SGCZ: variants seen among roughly 807,000 people sequenced by gnomAD.
SGCZ encodes the protein sarcoglycan zeta, also known as zeta-sarcoglycan.
In SGCZ, 40 loss-of-function variants were observed where a neutral mutation model predicts 41.3. The observed-to-expected ratio is 0.97, with a 90% CI of 0.75 to 1.26. SGCZ has a LOEUF of 1.26. SGCZ is among the 50% of genes most tolerant of loss of function. The probability of loss-of-function intolerance (pLI) is 0.00; values close to 1 mark genes in which losing one functional copy is unlikely to be tolerated. For synonymous variants in SGCZ, 206 were observed against 137.5 expected (o/e 1.50, Z -3.49); for missense variants, 552 against 369.8 (o/e 1.49, Z -4.04).
intron 1 of SGCZ, among the ~76,000 whole-genome samples, chr8:14,892,481 A>G (rs892995901): frequency 2.0e-5 from 3 of 152,210 alleles, no homozygotes; most frequent in Non-Finnish European, 4.4e-5. Flanking sequence ...TCTAGCAAGC[A>G]GGAAAAATTT....
At chr8:14,376,145 C>T (rs1804114324) in intron 2 of SGCZ, among the ~76,000 whole-genome samples, 1 of 151,960 alleles carries the variant, frequency 6.6e-6, no homozygotes, top group South Asian at 2.1e-4. Flanking sequence ...AACTCCATCT[C>T]TACTAAAAAT....
chr8:14,951,667 T>A (rs566485095), intron 1 of SGCZ, among the ~76,000 whole-genome samples: 2 of 152,160 alleles, frequency 1.3e-5, no homozygotes, highest in East Asian at 3.9e-4. Flanking sequence ...TAATTTACAA[T>A]GATCAAATGA....
intron 1 of SGCZ, among the ~76,000 whole-genome samples, chr8:15,033,824 G>A (rs1274856690): frequency 6.6e-6 from 1 of 152,036 alleles, no homozygotes; most frequent in Non-Finnish European, 1.5e-5. Flanking sequence ...TCAACAGATT[G>A]ACTCCAGTGG....
intron 4 of SGCZ, among the ~76,000 whole-genome samples, chr8:14,183,231 AC>A (rs1804788098): frequency 6.6e-6 from 1 of 151,944 alleles, no homozygotes; most frequent in Non-Finnish European, 1.5e-5. Flanking sequence ...GAAATAGAAA[AC>A]CTGGATACTC....
chr8:15,197,282 G>A (rs1234082316), intron 1 of SGCZ, among the ~76,000 whole-genome samples: 5 of 152,156 alleles, frequency 3.3e-5, no homozygotes, highest in African/African-American at 1.2e-4. Flanking sequence ...ATTTAAATTA[G>A]TGTCGACATT....
chr8:14,228,179 C>G (rs1038782057), intron 4 of SGCZ, among the ~76,000 whole-genome samples: 3 of 152,026 alleles, frequency 2.0e-5, no homozygotes, highest in Non-Finnish European at 4.4e-5. Flanking sequence ...CTTATCAAGG[C>G]AAACACAAAA....
intron 1 of SGCZ, among the ~76,000 whole-genome samples, chr8:15,131,507 C>T (rs1346453054): frequency 6.6e-6 from 1 of 152,176 alleles, no homozygotes; most frequent in Non-Finnish European, 1.5e-5. Context: ...GACTAATACA[C>T]TAAGGAAGTT....
chr8:15,068,211 T>C (rs1418901878), intron 1 of SGCZ, among the ~76,000 whole-genome samples: 2 of 152,210 alleles, frequency 1.3e-5, no homozygotes, highest in African/African-American at 4.8e-5. Context: ...TACCATTTTG[T>C]GGTAAGTCAG....
At chr8:14,320,430 A>C (rs994578712) in intron 3 of SGCZ, among the ~76,000 whole-genome samples, 1 of 150,984 alleles carries the variant, frequency 6.6e-6, no homozygotes, top group Non-Finnish European at 1.5e-5. Context: ...TTGTGACTGA[A>C]TTCTTTTATT....
chr8:14,825,001 G>C (rs1802250075), intron 1 of SGCZ, among the ~76,000 whole-genome samples: 1 of 152,054 alleles, frequency 6.6e-6, no homozygotes, highest in Admixed American at 6.6e-5. Flanking sequence ...AATTAGCAGA[G>C]TCCCAAACTG....
intron 3 of SGCZ, among the ~76,000 whole-genome samples, chr8:14,260,550 G>A (rs1317601505): frequency 1.4e-5 from 2 of 147,732 alleles, no homozygotes; most frequent in African/African-American, 2.5e-5. Context: ...GATTCCTCAG[G>A]GATCTAGAAC....
intron 1 of SGCZ, among the ~76,000 whole-genome samples, chr8:15,177,980 T>C (rs1327029743): frequency 1.3e-5 from 2 of 152,154 alleles, no homozygotes; most frequent in Non-Finnish European, 2.9e-5. Flanking sequence ...ATAATTTCTA[T>C]TTACCACTCA....
chr8:15,211,055 A>AGAT (rs1801221199), intron 1 of SGCZ, among the ~76,000 whole-genome samples: 1 of 149,818 alleles, frequency 6.7e-6, no homozygotes, highest in South Asian at 2.1e-4. Flanking sequence ...ATAGATAGAT[A>AGAT]TAGATATACA....
At chr8:14,521,148 A>G (rs1197689204) in intron 2 of SGCZ, among the ~76,000 whole-genome samples, 1 of 152,160 alleles carries the variant, frequency 6.6e-6, no homozygotes, top group East Asian at 1.9e-4. Context: ...AAGAGGTAGA[A>G]TATTTCCATC....
intron 1 of SGCZ, among the ~76,000 whole-genome samples, chr8:15,071,864 G>T (rs112064775): frequency 2.6e-5 from 4 of 152,016 alleles, no homozygotes; most frequent in African/African-American, 7.3e-5. Context: ...AGGTGAGTTC[G>T]CTGAAGACTC....
chr8:14,244,636 A>G (rs532225805), intron 3 of SGCZ, among the ~76,000 whole-genome samples: 28 of 151,590 alleles, frequency 1.8e-4, no homozygotes, highest in African/African-American at 6.5e-4. Flanking sequence ...GCAGAAAGGC[A>G]TTGGTAGCTT....
intron 1 of SGCZ, among the ~76,000 whole-genome samples, chr8:15,185,882 T>C (rs1481077369): frequency 6.6e-6 from 1 of 152,062 alleles, no homozygotes; most frequent in Non-Finnish European, 1.5e-5. Context: ...TTAGCTTTTC[T>C]TTATGTTAAA....
rs1803758135 is a variant in SGCZ at position 15,033,415 on chromosome 8, C to T, written c.39+204170G>A. ...CTAGTAGCCCCAGACTAGTCCCAGG[C>T]TCCATGCCTATTCCAGAACCAGTCT... On this transcript the variant is annotated intron_variant, in intron 1 of 7. Coordinates refer to ENST00000382080, the MANE Select transcript of SGCZ (RefSeq NM_139167.4). Among the ~76,000 whole-genome samples, 3 of 151,660 alleles carry T rather than the reference C, an allele frequency of 2.0e-5. No individual in the cohort carries two copies. In the South Asian group the frequency reaches 6.3e-4, roughly 32 times the overall value.
At chr8:14,318,516 C>A (rs773946697) in intron 3 of SGCZ, among the ~76,000 whole-genome samples, 12 of 151,890 alleles carry the variant, frequency 7.9e-5, no homozygotes, top group Non-Finnish European at 1.5e-4. Context: ...AAGTCAAGCC[C>A]AGATAAACTA....
Sources: gnomAD v4.1 joint callset for allele counts (sites outside exome capture counted in the v4.1 genomes callset) on GRCh38, gnomAD v4.1.1 for gene constraint, MANE v1.5 for transcripts, NCBI Gene and HGNC (gene_info 2026-07-23, HGNC 2026-07-21) for gene names.